GPHN: variants seen among roughly 807,000 people sequenced by gnomAD.
The protein encoded by GPHN is gephyrin.
GPHN carries 17 observed loss-of-function variants against 95.5 expected under a neutral mutation model. That is an observed-to-expected ratio of 0.18 (90% confidence interval 0.12 to 0.27). The LOEUF is 0.27. Ranked by LOEUF, GPHN falls within the 10% of genes least tolerant of loss-of-function variation. The probability of loss-of-function intolerance (pLI) is 1.00; values close to 1 mark genes in which losing one functional copy is unlikely to be tolerated. For synonymous variants in GPHN, 320 were observed against 322.5 expected (o/e 0.99, Z 0.08); for missense variants, 660 against 978.1 (o/e 0.67, Z 4.34).
intron 21 of GPHN, among the ~76,000 whole-genome samples, chr14:67,177,153 C>T (rs1317168953): frequency 6.6e-6 from 1 of 152,150 alleles, no homozygotes; most frequent in African/African-American, 2.4e-5. Context: ...TCCTCTAGTT[C>T]TTTAAACTGT....
the GPHN span, among the ~76,000 whole-genome samples, chr14:67,193,954 C>CAAAAAAAAAAAAAAAA: frequency 1.2e-5 from 1 of 85,758 alleles, no homozygotes; most frequent in Admixed American, 1.2e-4. Context: ...CAAAAAAAAA[C>CAAAAAAAAAAAAAAAA]AAAAAAAAAA....
chr14:67,646,864 A>G, the GPHN span: 3 of 1,407,720 alleles, frequency 2.1e-6, no homozygotes, highest in South Asian at 2.3e-5. Context: ...CCCCAAATAC[A>G]TATTTGTTAA....
chr14:67,493,250 A>G, the GPHN span, among the ~76,000 whole-genome samples: 1 of 152,170 alleles, frequency 6.6e-6, no homozygotes, highest in Non-Finnish European at 1.5e-5. Context: ...CCATCCATCT[A>G]TCAGCCCTCC....
chr14:66,727,982 G>T lies in GPHN; in HGVS notation c.143+46797G>T, dbSNP rs546347846. On this transcript the variant is annotated intron_variant, in intron 2 of 22. Transcript: ENST00000478722. ...GGCATAGGAGGAAAAATGGTTTCAC[G>T]GGCTAGGCCCATGGTCCCTGTATTG... Among the ~76,000 whole-genome samples, 569 of 152,188 alleles carry T rather than the reference G, an allele frequency of 3.7e-3. 6 individuals are homozygous for T. The highest frequency in any genetic ancestry group is 0.013 in the African/African-American group (547 of 41,536).
intron 12 of GPHN, among the ~76,000 whole-genome samples, chr14:67,095,929 T>A (rs1595112275): frequency 1.1e-4 from 3 of 28,192 alleles, no homozygotes; most frequent in South Asian, 7.7e-4. Flanking sequence ...TAAAGTATAA[T>A]AATAATAAAA....
the GPHN span, among the ~76,000 whole-genome samples, chr14:67,431,972 G>T: frequency 6.6e-6 from 1 of 152,094 alleles, no homozygotes; most frequent in South Asian, 2.1e-4. Flanking sequence ...TTCATGTTGC[G>T]CTCACAGTGA....
chr14:67,438,721 C>A, the GPHN span, among the ~76,000 whole-genome samples: 2 of 151,952 alleles, frequency 1.3e-5, no homozygotes, highest in African/African-American at 4.8e-5. Flanking sequence ...AGTAGCCAGG[C>A]GTGGTAGCAT....
At chr14:67,004,584 C>T (rs944091287) in intron 9 of GPHN, among the ~76,000 whole-genome samples, 3 of 151,524 alleles carry the variant, frequency 2.0e-5, no homozygotes, top group African/African-American at 4.8e-5. Flanking sequence ...CTTTACTAAT[C>T]GGGTGAAAAA....
At chr14:66,533,125 T>C (rs1444028541) in intron 1 of GPHN, among the ~76,000 whole-genome samples, 1 of 152,240 alleles carries the variant, frequency 6.6e-6, no homozygotes, top group Non-Finnish European at 1.5e-5. Flanking sequence ...AATGTTTTTT[T>C]CCCCATTACA....
intron 6 of GPHN, among the ~76,000 whole-genome samples, chr14:66,917,703 G>A (rs1251565318): frequency 6.6e-6 from 1 of 152,090 alleles, no homozygotes; most frequent in Non-Finnish European, 1.5e-5. Context: ...CAATAACCAA[G>A]AGATTGTGTG....
chr14:67,493,833 A>T, the GPHN span, among the ~76,000 whole-genome samples: 1 of 152,208 alleles, frequency 6.6e-6, no homozygotes, highest in Admixed American at 6.5e-5. Context: ...TGTCAGTCTG[A>T]AATTGACAGG....
At chr14:66,670,756 C>T (rs530802559) in intron 1 of GPHN, among the ~76,000 whole-genome samples, 10 of 152,230 alleles carry the variant, frequency 6.6e-5, no homozygotes, top group Middle Eastern at 3.4e-3. Context: ...CGCACCACTG[C>T]GTTCTAGCCT....
chr14:66,600,447 C>T (rs2062180715), intron 1 of GPHN, among the ~76,000 whole-genome samples: 1 of 152,128 alleles, frequency 6.6e-6, no homozygotes, highest in African/African-American at 2.4e-5. Flanking sequence ...TAAATTAGCT[C>T]TTACTGGAAT....
At chr14:67,497,873 C>G in the GPHN span, among the ~76,000 whole-genome samples, 4 of 151,840 alleles carry the variant, frequency 2.6e-5, no homozygotes, top group Non-Finnish European at 4.4e-5. Context: ...TGTAAAGGTT[C>G]AAGCATCTGA....
At chr14:67,498,467 G>A in the GPHN span, among the ~76,000 whole-genome samples, 11 of 152,198 alleles carry the variant, frequency 7.2e-5, no homozygotes, top group South Asian at 1.5e-3. Context: ...TTCTCCTTTA[G>A]AGTATGGTTG....
chr14:66,524,078 C>T (rs998744263), intron 1 of GPHN, among the ~76,000 whole-genome samples: 5 of 152,108 alleles, frequency 3.3e-5, no homozygotes, highest in African/African-American at 1.2e-4. Context: ...CTCTGATAGT[C>T]TCTAAGGCTT....
chr14:67,006,001 G>A (rs1291536299), intron 9 of GPHN, among the ~76,000 whole-genome samples: 2 of 151,616 alleles, frequency 1.3e-5, no homozygotes, highest in African/African-American at 4.8e-5. Flanking sequence ...TAAAAAAGGG[G>A]CAATGGAAAA....
chr14:67,235,030 C>G, the GPHN span, among the ~76,000 whole-genome samples: 1 of 151,944 alleles, frequency 6.6e-6, no homozygotes, highest in Non-Finnish European at 1.5e-5. Context: ...GTGGCACACA[C>G]CTGTAATCCC....
At chr14:66,588,631 A>G (rs1439986008) in intron 1 of GPHN, among the ~76,000 whole-genome samples, 1 of 152,098 alleles carries the variant, frequency 6.6e-6, no homozygotes, top group Non-Finnish European at 1.5e-5. Context: ...GGAAGAAATG[A>G]TATCAGAGAT....
Sources: allele counts gnomAD v4.1 joint callset (sites outside exome capture counted in the v4.1 genomes callset), GRCh38; gene constraint gnomAD v4.1.1; transcripts MANE v1.5; gene names NCBI Gene and HGNC (gene_info 2026-07-23, HGNC 2026-07-21).